The following GPC5 variants were observed in gnomAD, a reference collection of about 807,000 sequenced individuals.
GPC5 encodes glypican 5, also known as glypican-5.
GPC5 carries 47 observed loss-of-function variants against 53.9 expected under a neutral mutation model. The observed-to-expected ratio is 0.87, with a 90% CI of 0.69 to 1.11. The LOEUF is 1.11. Among genes scored for constraint, GPC5 ranks in the 50% most tolerant of loss-of-function variants. The pLI is 0.00. For missense variants in GPC5, 748 were observed against 713.1 expected (o/e 1.05, Z -0.56); for synonymous variants, 286 against 263.3 (o/e 1.09, Z -0.84).
chr13:92,856,448 C>T (rs1177233963), intron 7 of GPC5, among the ~76,000 whole-genome samples: 1 of 152,010 alleles, frequency 6.6e-6, no homozygotes, highest in Non-Finnish European at 1.5e-5. Flanking sequence ...AAAACGTCTA[C>T]TCTCTCTACT....
chr13:91,563,657 C>T (rs957878042), intron 2 of GPC5, among the ~76,000 whole-genome samples: 1 of 152,162 alleles, frequency 6.6e-6, no homozygotes, highest in African/African-American at 2.4e-5. Context: ...AATGTACATA[C>T]ACATGCTCTT....
At chr13:91,558,529 A>C (rs536784894) in intron 2 of GPC5, among the ~76,000 whole-genome samples, 1 of 152,070 alleles carries the variant, frequency 6.6e-6, no homozygotes, top group Non-Finnish European at 1.5e-5. Flanking sequence ...TTGCAGGAAG[A>C]AGGGACTTTG....
At chr13:92,561,451 A>G (rs1882690719) in intron 7 of GPC5, among the ~76,000 whole-genome samples, 1 of 152,050 alleles carries the variant, frequency 6.6e-6, no homozygotes, top group Non-Finnish European at 1.5e-5. Context: ...TCTATTTAAA[A>G]TAAGAATGAT....
intron 7 of GPC5, among the ~76,000 whole-genome samples, chr13:92,749,810 A>G (rs970853386): frequency 6.6e-6 from 1 of 152,230 alleles, no homozygotes; most frequent in Non-Finnish European, 1.5e-5. Flanking sequence ...ATTAAAAAGA[A>G]AAGACTTATT....
intron 6 of GPC5, among the ~76,000 whole-genome samples, chr13:91,929,601 T>G (rs1029073574): frequency 1.1e-4 from 16 of 152,124 alleles, no homozygotes; most frequent in African/African-American, 3.9e-4. Flanking sequence ...TTTGAAATTT[T>G]TCACTTGATT....
chr13:91,843,106 G>A (rs965764449), intron 5 of GPC5, among the ~76,000 whole-genome samples: 2 of 152,034 alleles, frequency 1.3e-5, no homozygotes, highest in Non-Finnish European at 2.9e-5. Flanking sequence ...CACAATTTTA[G>A]AATTGTATTC....
At chr13:92,707,606 G>C (rs1443440980) in intron 7 of GPC5, among the ~76,000 whole-genome samples, 1 of 151,404 alleles carries the variant, frequency 6.6e-6, no homozygotes, top group African/African-American at 2.4e-5. Context: ...CATAGTGAGA[G>C]AAACACAAAT....
chr13:92,634,147 G>C (rs1451669606), intron 7 of GPC5, among the ~76,000 whole-genome samples: 1 of 151,944 alleles, frequency 6.6e-6, no homozygotes, highest in African/African-American at 2.4e-5. Flanking sequence ...AATTCAATTT[G>C]CTAATATTTT....
intron 7 of GPC5, chr13:92,658,919 GTTTTGTT>G (rs1886229673): frequency 1.0e-5 from 1 of 96,048 alleles, no homozygotes; most frequent in African/African-American, 3.5e-5. Context: ...AGTTGTATAT[GTTTTGTT>G]TTTTTTTTTT....
At chr13:91,986,061 C>CTTTTTTTTTTTTTTTTTTTTTTTTT (rs779259362) in intron 6 of GPC5, among the ~76,000 whole-genome samples, 1 of 95,438 alleles carries the variant, frequency 1.0e-5, no homozygotes. Flanking sequence ...TTAGCCAATA[C>CTTTTTTTTTTTTTTTTTTTTTTTTT]TTTTTTTTTT....
intron 7 of GPC5, among the ~76,000 whole-genome samples, chr13:92,519,194 C>T (rs1163564551): frequency 6.6e-6 from 1 of 152,116 alleles, no homozygotes; most frequent in East Asian, 1.9e-4. Context: ...CTTTAACACC[C>T]CACTGTCAAC....
intron 2 of GPC5, among the ~76,000 whole-genome samples, chr13:91,627,549 C>A (rs1390716529): frequency 2.6e-5 from 4 of 151,960 alleles, no homozygotes; most frequent in African/African-American, 9.7e-5. Flanking sequence ...GAAAAGATTT[C>A]TCAGTAGTAC....
chr13:91,574,498 C>T (rs766676003), intron 2 of GPC5, among the ~76,000 whole-genome samples: 63 of 151,948 alleles, frequency 4.1e-4, no homozygotes, highest in Middle Eastern at 3.4e-3. Flanking sequence ...CAATAAGGGA[C>T]CGACAGAACA....
intron 7 of GPC5, among the ~76,000 whole-genome samples, chr13:92,170,207 C>G (rs2042059531): frequency 6.6e-6 from 1 of 151,444 alleles, no homozygotes; most frequent in Non-Finnish European, 1.5e-5. Context: ...ACTCTAGTTT[C>G]TATGTTTATA....
At chr13:91,672,999 A>G (rs1356053127) in intron 2 of GPC5, among the ~76,000 whole-genome samples, 1 of 151,962 alleles carries the variant, frequency 6.6e-6, no homozygotes, top group African/African-American at 2.4e-5. Flanking sequence ...ACCAAAGTGC[A>G]TGTTCTCATT....
intron 7 of GPC5, among the ~76,000 whole-genome samples, chr13:92,217,911 CTTTTTTT>C (rs61595116): frequency 4.7e-5 from 4 of 85,214 alleles, no homozygotes; most frequent in Non-Finnish European, 6.2e-5. Context: ...ATTATTTCTA[CTTTTTTT>C]TTTTTTTTTT....
intron 7 of GPC5, among the ~76,000 whole-genome samples, chr13:92,489,958 A>C (rs1282968661): frequency 1.3e-5 from 2 of 151,872 alleles, no homozygotes; most frequent in Non-Finnish European, 2.9e-5. Flanking sequence ...GTGGAACTTC[A>C]TTATGACATA....
Position 91,586,238 on chromosome 13 carries a change from C to T in GPC5, c.326-106949C>T, listed in dbSNP as rs1314909603. 1.3e-4 allele frequency among the ~76,000 whole-genome samples: 19 copies of T among 150,392 alleles called. No homozygotes were observed. The East Asian group carries it at 3.2e-3, about 25-fold the overall frequency. ...GTAAATGTTCTTAAGCTTCAAGTTT[C>T]CATGATATAATCTTTTGAATTAACT... On this transcript the variant is annotated intron_variant, in intron 2 of 7. Transcript: ENST00000377067.
At chr13:91,693,147 T>G (rs776072191) in intron 2 of GPC5, 40 bp from the exon 3 acceptor site, 6 of 1,433,048 alleles carry the variant, frequency 4.2e-6, no homozygotes, top group Non-Finnish European at 4.9e-6. Context: ...TTAGCATGAA[T>G]ACTAAACCTT....
Sources: gnomAD v4.1 joint callset for allele counts (sites outside exome capture counted in the v4.1 genomes callset) on GRCh38, gnomAD v4.1.1 for gene constraint, MANE v1.5 for transcripts, NCBI Gene and HGNC (gene_info 2026-07-23, HGNC 2026-07-21) for gene names.